Variants in ADGRB2 observed in about 807,000 individuals in gnomAD.
The protein encoded by ADGRB2 is brain-specific angiogenesis inhibitor 2.
In ADGRB2, 47 loss-of-function variants were observed where a neutral mutation model predicts 178.7. The ratio of observed to expected loss-of-function variants is 0.26; its 90% CI spans 0.21 to 0.34. ADGRB2 has a LOEUF of 0.34. ADGRB2 is among the 10% of genes least tolerant of loss of function. The pLI is 1.00. For synonymous variants in ADGRB2, 870 were observed against 912.4 expected, an observed-to-expected ratio of 0.95 and a Z score of 0.84; for missense variants, 1,584 against 2,180.8, an observed-to-expected ratio of 0.73 and a Z score of 5.45.
intron 29 of ADGRB2, among the ~76,000 whole-genome samples, chr1:31,729,711 G>A (rs1411924988): frequency 6.6e-6 from 1 of 152,228 alleles, no homozygotes; most frequent in African/African-American, 2.4e-5. Context: ...ACCCCTCAAA[G>A]CGCTGCTGCA....
At position 31,753,782 on chromosome 1, in the gene ADGRB2, G is replaced by A. The variant is rs1273192686; in HGVS notation, c.838+2217C>T. On this transcript the variant is annotated intron_variant, in intron 4 of 32. Transcript: ENST00000373658. The surrounding 1 kb of genome is among the most constrained non-coding windows in gnomAD (Gnocchi z 4.1). The stretch of plus-strand genomic sequence containing the variant: ...ATGTGGAACAAACAGTCATGTGCCC[G>A]CTATGTCTCACACCAGAAAGGTTGG... 6.6e-6 allele frequency among the ~76,000 whole-genome samples: 1 copy of A among 152,200 alleles called. No individual in the cohort carries two copies. The highest frequency in any genetic ancestry group is 2.4e-5 in the African/African-American group (1 of 41,442).
At position 31,735,494 on chromosome 1, in the gene ADGRB2, C is replaced by T. The variant is rs777601406; in HGVS notation, c.3353+86G>A. 9.9e-6 allele frequency: 15 copies of T among 1,508,652 alleles called. No homozygotes were observed. The highest frequency in any genetic ancestry group is 9.5e-5 in the East Asian group (4 of 42,326). 93.5% of individuals were successfully genotyped at this position (1,508,652 alleles called of 1,614,324 possible). A position where few individuals can be genotyped will look rare whatever the true frequency, so the allele number is the denominator to read the frequency against. ...GGTTGGGGAGCCCCGGTCGCATCAT[C>T]GAGCCCTGAGTCTCCAAGAGCACCC... is the stretch of plus-strand genomic sequence containing the variant. On this transcript the variant is annotated intron_variant, in intron 24 of 32. Transcript: ENST00000373658. This position sits in a 1 kb window ranked among gnomAD's most constrained non-coding sequence, Gnocchi z 6.0.
Position 31,738,853 on chromosome 1 carries a change from C to T in ADGRB2, c.2580G>A (p.Val860=), listed in dbSNP as rs776742444. The change falls in exon 16 of 33, where the codon GTG becomes GTA. Residue 860 remains valine (V), a synonymous_variant. Transcript: ENST00000373658. ...TQPPAEPLIT[V]ELSYIINGTT... ...TCACATTGATGATGTAGGAGAGCTC[C>T]ACAGTGATGAGGGGCTCAGCTGGAG... is the stretch of plus-strand genomic sequence containing the variant. The T allele has an allele frequency of 8.8e-5, 142 of 1,613,948 alleles. No individual in the cohort carries two copies. Among genetic ancestry groups the T allele is most frequent in the Non-Finnish European group, 1.2e-4 (139 of 1,180,028 alleles).
At chr1:31,732,183 G>A (rs1645320953) in intron 27 of ADGRB2, 29 bp from the exon 28 acceptor site, 1 of 1,613,818 alleles carries the variant, frequency 6.2e-7, no homozygotes. Flanking sequence ...GGGCAGGTGG[G>A]CAGAGGGAGG....
rs1487441637 is a variant in ADGRB2 at position 31,744,844 on chromosome 1, C to T, written c.839-113G>A. ...CCGCCTGAGGGCCTGGAACCAACTG[C>T]ATGATGCTCTCTCAGGATCACATTC... On this transcript the variant is annotated intron_variant, in intron 4 of 32. Coordinates refer to ENST00000373658, the MANE Select transcript of ADGRB2 (RefSeq NM_001364857.2). The surrounding 1 kb of genome is among the most constrained non-coding windows in gnomAD (Gnocchi z 6.7). The T allele has an allele frequency of 6.3e-6, 6 of 959,606 alleles. No homozygotes were observed. The East Asian group carries it at 1.5e-4, about 25-fold the overall frequency. 59.4% of individuals were successfully genotyped at this position (959,606 alleles called of 1,614,324 possible). A position where few individuals can be genotyped will look rare whatever the true frequency, so the allele number is the denominator to read the frequency against.
chr1:31,763,032 C>T (rs1284470720), intron 1 of ADGRB2, among the ~76,000 whole-genome samples: 2 of 152,240 alleles, frequency 1.3e-5, no homozygotes, highest in Admixed American at 6.5e-5. Context: ...CAACCCCCTC[C>T]GGATCATGCC....
At position 31,738,953 on chromosome 1, in the gene ADGRB2, C is replaced by G; in HGVS notation, c.2496-16G>C. The G allele has an allele frequency of 1.3e-6, 2 of 1,592,414 alleles. No homozygotes were observed. Among genetic ancestry groups the G allele is most frequent in the East Asian group, 2.2e-5 (1 of 44,806 alleles). On this transcript the variant is annotated splice_polypyrimidine_tract_variant and intron_variant, in intron 15 of 32. Transcript: ENST00000373658. ...CAGCGGGGGCCTGCGGGACAGGTAC[C>G]GAAGTCAGCTCCTGCCAGCGGGTGC...
chr1:31,739,283 C>G, intron 15 of ADGRB2, 25 bp downstream of exon 15: 1 of 1,444,366 alleles, frequency 6.9e-7, no homozygotes, highest in South Asian at 1.5e-5. Context: ...CTCAGCAGCC[C>G]CAGCCACCCA....
rs763167894 is a variant in ADGRB2 at position 31,741,996 on chromosome 1, G to C, written c.1418-29C>G. On this transcript the variant is annotated intron_variant, in intron 8 of 32. Coordinates refer to ENST00000373658, the MANE Select transcript of ADGRB2 (RefSeq NM_001364857.2). The surrounding 1 kb of genome is among the most constrained non-coding windows in gnomAD (Gnocchi z 6.5). ...TGGGAGAGGTGAGGCATATGAGTGGGCCCAGGTACCCCCATGGTCAGAGCT... is the reference window on the plus strand; with the variant it reads ...TGGGAGAGGTGAGGCATATGAGTGGCCCCAGGTACCCCCATGGTCAGAGCT... 3 of 1,583,782 alleles carry C rather than the reference G, an allele frequency of 1.9e-6. No homozygotes were observed. The highest frequency in any genetic ancestry group is 3.4e-5 in the Admixed American group (2 of 58,388).
At position 31,730,868 on chromosome 1, in the gene ADGRB2, G is replaced by A. The variant is rs1294188008; in HGVS notation, c.4312C>T (p.Pro1438Ser). The change falls in exon 29 of 33, where the codon CCA (proline) becomes TCA (serine). Residue 1438 changes from proline (P) to serine (S), a missense_variant. Pro to Ser is a moderately conservative substitution (Grantham distance 74). This residue lies in a region of ADGRB2 where 865 missense variants were observed against 1,192.8 expected (regional missense o/e 0.73). Transcript: ENST00000373658. ...GGCATGGTCCGGCTGCGCTCCCCTG[G>A]CTCGGGCACTTGGCGGGCGCTGGGT... ...PTPSARQVPEPGERSRTMPRT... is the reference protein window; with the variant it reads ...PTPSARQVPESGERSRTMPRT... The A allele has an allele frequency of 6.4e-7, 1 of 1,559,734 alleles. No homozygotes were observed. The highest frequency in any genetic ancestry group is 8.7e-7 in the Non-Finnish European group (1 of 1,154,102).
chr1:31,754,806 C>A lies in ADGRB2; in HGVS notation c.838+1193G>T, dbSNP rs538487780. ...CATTCTACAAAGAAACCACTGCCCACCAAAAATAAAGGGATCAACTCAAGG... is the reference window on the plus strand; with the variant it reads ...CATTCTACAAAGAAACCACTGCCCAACAAAAATAAAGGGATCAACTCAAGG... On this transcript the variant is annotated intron_variant, in intron 4 of 32. Coordinates refer to ENST00000373658, the MANE Select transcript of ADGRB2 (RefSeq NM_001364857.2). The surrounding 1 kb of genome is among the most constrained non-coding windows in gnomAD (Gnocchi z 5.7). Among the ~76,000 whole-genome samples the A allele has an allele frequency of 3.9e-5, 6 of 152,318 alleles. No homozygotes were observed. The East Asian group carries it at 1.2e-3, about 29-fold the overall frequency.
At position 31,764,011 on chromosome 1, in the gene ADGRB2, C is replaced by G. The variant is rs1423219258; in HGVS notation, c.-318G>C. On this transcript the variant is annotated 5_prime_UTR_variant, in exon 1 of 33. Coordinates refer to ENST00000373658, the MANE Select transcript of ADGRB2 (RefSeq NM_001364857.2). The surrounding 1 kb of genome is among the most constrained non-coding windows in gnomAD (Gnocchi z 7.3). ...AGGTAGCTGCAGCCGCGCGGAGGGC[C>G]GAGGCTCCCGCTCTCCCGGGCGGCG... 3.0e-5 allele frequency: 29 copies of G among 971,026 alleles called. No homozygotes were observed. The highest frequency in any genetic ancestry group is 3.5e-5 in the Non-Finnish European group (29 of 826,304). The allele number at this position is 971,026 out of a possible 1,614,324, so 60.2% of individuals were successfully genotyped here. A position where few individuals can be genotyped will look rare whatever the true frequency, so the allele number is the denominator to read the frequency against.
At position 31,740,402 on chromosome 1, in the gene ADGRB2, T is replaced by C. The variant is rs1264275058; in HGVS notation, c.1934A>G (p.Asn645Ser). The C allele has an allele frequency of 6.2e-7, 1 of 1,614,060 alleles. No individual in the cohort carries two copies. The highest frequency in any genetic ancestry group is 8.5e-7 in the Non-Finnish European group (1 of 1,179,972). The change falls in exon 12 of 33, where the codon AAT (asparagine) becomes AGT (serine). Residue 645 changes from asparagine (N) to serine (S), a missense_variant. Physicochemically the swap from Asn to Ser is conservative, Grantham distance 46. This residue lies in a region of ADGRB2 where 62 missense variants were observed against 140.3 expected (regional missense o/e 0.44). Coordinates refer to ENST00000373658, the MANE Select transcript of ADGRB2 (RefSeq NM_001364857.2). The surrounding 1 kb of genome is among the most constrained non-coding windows in gnomAD (Gnocchi z 5.9). ...GGCCCTCTTAAAGGTGTCAGTGACA[T>C]TCCTCAGAATGTCCACAGAGAAGAG... Reference protein sequence around the residue: ...DLLFSVDILRNVTDTFKRATY... With the variant: ...DLLFSVDILRSVTDTFKRATY...
At position 31,759,177 on chromosome 1, in the gene ADGRB2, T is replaced by G. The variant is rs1188654289; in HGVS notation, c.-190-1666A>C. The G allele has an allele frequency of 8.4e-6, 6 of 715,214 alleles. No homozygotes were observed. The highest frequency in any genetic ancestry group is 1.9e-5 in the Admixed American group (1 of 53,658). The allele number at this position is 715,214 out of a possible 1,614,324, so 44.3% of individuals were successfully genotyped here. On this transcript the variant is annotated intron_variant, in intron 1 of 32. Coordinates refer to ENST00000373658, the MANE Select transcript of ADGRB2 (RefSeq NM_001364857.2). The surrounding 1 kb of genome is among the most constrained non-coding windows in gnomAD (Gnocchi z 4.3). ...AGTTCTGCATATGAATGGATACATATGTACACGGACATGCACACAGGTGAA... is the reference window on the plus strand; with the variant it reads ...AGTTCTGCATATGAATGGATACATAGGTACACGGACATGCACACAGGTGAA...
intron 4 of ADGRB2, among the ~76,000 whole-genome samples, chr1:31,747,111 C>G (rs1361236016): frequency 6.6e-6 from 1 of 152,146 alleles, no homozygotes. Flanking sequence ...CTTTGCAGAC[C>G]TGGTCTCACT....
chr1:31,739,606 C>G lies in ADGRB2; in HGVS notation c.2197G>C (p.Ala733Pro), dbSNP rs769235518. The change falls in exon 15 of 33, where the codon GCT (alanine) becomes CCT (proline). Residue 733 changes from alanine (A) to proline (P), a missense_variant. Ala to Pro is a conservative substitution (Grantham distance 27). Coordinates refer to ENST00000373658, the MANE Select transcript of ADGRB2 (RefSeq NM_001364857.2). ...GGGAACGTGATGTCACTGGACACAG[C>G]TGAGACGGGCTCTCGCTGAATGCTG... ...VISIQREPVS[A>P]VSSDITFPMR... 4 of 1,598,620 alleles carry G rather than the reference C, an allele frequency of 2.5e-6. No homozygotes were observed. The Admixed American group carries it at 5.1e-5, about 20-fold the overall frequency.
At chr1:31,732,369 C>T (rs1194307911) in intron 27 of ADGRB2, 148 bp downstream of exon 27, 2 of 1,153,798 alleles carry the variant, frequency 1.7e-6, no homozygotes, top group Non-Finnish European at 2.5e-6. Context: ...TGCCCAATGC[C>T]ACCCAGGTGT....
chr1:31,744,613 C>A lies in ADGRB2; in HGVS notation c.922+35G>T. 6.2e-7 allele frequency: 1 copy of A among 1,610,040 alleles called. No individual in the cohort carries two copies. The highest frequency in any genetic ancestry group is 8.5e-7 in the Non-Finnish European group (1 of 1,177,472). ...ACCACCAGACGCACACAGTCGGGCCCCCGCCGCAGAGGAAGGGAGGCGGGC... is the reference window on the plus strand; with the variant it reads ...ACCACCAGACGCACACAGTCGGGCCACCGCCGCAGAGGAAGGGAGGCGGGC... On this transcript the variant is annotated intron_variant, in intron 5 of 32. Transcript: ENST00000373658. The surrounding 1 kb of genome is among the most constrained non-coding windows in gnomAD (Gnocchi z 6.7).
rs77037527 is a variant in ADGRB2 at position 31,747,789 on chromosome 1, C to T, written c.839-3058G>A. ...CCAGCTTCCCCCACAATGGGGCTCACGAGGAATGGTCATTTGTAATCTTGA... is the reference window on the plus strand; with the variant it reads ...CCAGCTTCCCCCACAATGGGGCTCATGAGGAATGGTCATTTGTAATCTTGA... On this transcript the variant is annotated intron_variant, in intron 4 of 32. Coordinates refer to ENST00000373658, the MANE Select transcript of ADGRB2 (RefSeq NM_001364857.2). 8.6e-3 allele frequency among the ~76,000 whole-genome samples: 1,308 copies of T among 152,312 alleles called. 17 individuals are homozygous for T. Among genetic ancestry groups the T allele is most frequent in the African/African-American group, 0.03 (1,245 of 41,562 alleles).
Sources: allele counts gnomAD v4.1 joint callset (sites outside exome capture counted in the v4.1 genomes callset), GRCh38; gene constraint gnomAD v4.1.1; regional missense constraint gnomAD v4.1.1; non-coding constraint Gnocchi (gnomAD v3.1); transcripts MANE v1.5; gene names NCBI Gene and HGNC (gene_info 2026-07-23, HGNC 2026-07-21).